SMYD2: variants seen among roughly 807,000 people sequenced by gnomAD.
SMYD2 encodes the protein SET and MYND domain containing 2, also known as N-lysine methyltransferase SMYD2.
A neutral mutation model predicts 59.1 loss-of-function variants in SMYD2; 53 were observed. The observed-to-expected ratio is 0.90, with a 90% confidence interval of 0.72 to 1.13. The LOEUF (loss-of-function observed/expected upper bound fraction) is 1.13, where lower values mean the gene tolerates loss of function less well. SMYD2 is among the 50% of genes most tolerant of loss of function. The pLI is 0.00. For missense variants in SMYD2, 494 were observed against 544.7 expected, an observed-to-expected ratio of 0.91 and a Z score of 0.93; for synonymous variants, 208 against 198.8, an observed-to-expected ratio of 1.05 and a Z score of -0.39.
At position 214,327,722 on chromosome 1, in the gene SMYD2, G is replaced by A. The variant is rs1425329978; in HGVS notation, c.703G>A (p.Glu235Lys). Reference sequence around the variant, plus strand: ...TGTACAGGAAATCAAGCCGGGAGAGGAGGTGAGTTCATGGCTATGGGTGGC... The same window carrying A: ...TGTACAGGAAATCAAGCCGGGAGAGAAGGTGAGTTCATGGCTATGGGTGGC... The part of the protein sequence containing the change: ...RAVQEIKPGE[E>K]VFTSYIDLLY... Residue 235 changes from glutamate (E) to lysine (K), a missense_variant and splice_region_variant, in exon 7 of 12, where the codon GAG becomes AAG. Transcript: ENST00000366957. 1 of 1,613,934 alleles carries A rather than the reference G, an allele frequency of 6.2e-7. No homozygotes were observed. Among genetic ancestry groups the A allele is most frequent in the African/African-American group, 1.3e-5 (1 of 74,922 alleles).
In SMYD2 at chr1:214,327,694, A is replaced by G; in HGVS notation, c.675A>G (p.Arg225=). The change falls in exon 7 of 12, where the codon AGA becomes AGG. Residue 225 remains arginine (R), a synonymous_variant. Coordinates refer to ENST00000366957, the MANE Select transcript of SMYD2 (RefSeq NM_020197.3). ...VTYKGTLAEV[R]AVQEIKPGEE... Reference sequence around the variant, plus strand: ...ACAAAGGGACCCTGGCAGAAGTCAGAGCTGTACAGGAAATCAAGCCGGGAG... The same window carrying G: ...ACAAAGGGACCCTGGCAGAAGTCAGGGCTGTACAGGAAATCAAGCCGGGAG... 1 of 1,614,166 alleles carries G rather than the reference A, an allele frequency of 6.2e-7. No individual in the cohort carries two copies. Among genetic ancestry groups the G allele is most frequent in the East Asian group, 2.2e-5 (1 of 44,880 alleles).
chr1:214,293,601 G>A (rs937132994), intron 1 of SMYD2, among the ~76,000 whole-genome samples: 3 of 152,152 alleles, frequency 2.0e-5, no homozygotes, highest in Non-Finnish European at 2.9e-5. Flanking sequence ...TCCAGGTCGT[G>A]TGGGCCATTT....
At chr1:214,334,967 T>C (rs7512745) in intron 11 of SMYD2, among the ~76,000 whole-genome samples, 124,032 of 152,204 alleles carry the variant, frequency 0.81, 51,233 homozygotes, top group African/African-American at 0.94. Flanking sequence ...CATTCGCCTT[T>C]GGTTTGATGG....
Position 214,314,891 on chromosome 1 carries a change from G to A in SMYD2, c.348+19G>A, listed in dbSNP as rs2102468959. On this transcript the variant is annotated intron_variant, in intron 3 of 11. Transcript: ENST00000366957. Reference sequence around the variant, plus strand: ...CAAACAGGTGAGGAAATGGGACAATGTTCAAGTGCATTTTATTTTGTTTTT... The same window carrying A: ...CAAACAGGTGAGGAAATGGGACAATATTCAAGTGCATTTTATTTTGTTTTT... 1.9e-6 allele frequency: 3 copies of A among 1,559,390 alleles called. No homozygotes were observed. The highest frequency in any genetic ancestry group is 2.7e-5 in the African/African-American group (2 of 73,738).
At chr1:214,295,318 TC>T (rs1030551509) in intron 1 of SMYD2, among the ~76,000 whole-genome samples, 13 of 152,306 alleles carry the variant, frequency 8.5e-5, no homozygotes, top group Admixed American at 5.2e-4. Context: ...ATAGGTGTTG[TC>T]CAGGGGCTGA....
chr1:214,289,691 G>A (rs1414894582), intron 1 of SMYD2, among the ~76,000 whole-genome samples: 3 of 152,176 alleles, frequency 2.0e-5, no homozygotes, highest in Non-Finnish European at 4.4e-5. Context: ...CCTAGAACAA[G>A]GCACCCTGAT....
intron 1 of SMYD2, among the ~76,000 whole-genome samples, chr1:214,304,623 C>T (rs530723189): frequency 6.9e-6 from 1 of 144,158 alleles, no homozygotes; most frequent in African/African-American, 2.6e-5. Flanking sequence ...TTAAACTTAG[C>T]TTTCTGGACA....
intron 1 of SMYD2, among the ~76,000 whole-genome samples, chr1:214,284,881 T>TCTAAC (rs1656511715): frequency 6.6e-6 from 1 of 152,228 alleles, no homozygotes; most frequent in Non-Finnish European, 1.5e-5. Context: ...AACCCAGTGT[T>TCTAAC]CCATCTAAAT....
At chr1:214,292,059 A>G (rs534936008) in intron 1 of SMYD2, among the ~76,000 whole-genome samples, 1 of 151,170 alleles carries the variant, frequency 6.6e-6, no homozygotes, top group African/African-American at 2.4e-5. Context: ...CAGCTTTACA[A>G]GGCACTCAGC....
chr1:214,309,707 G>A (rs956962378), intron 2 of SMYD2, among the ~76,000 whole-genome samples: 1 of 152,136 alleles, frequency 6.6e-6, no homozygotes, highest in African/African-American at 2.4e-5. Flanking sequence ...TCCTGGTTCA[G>A]TTCACTCCTG....
chr1:214,285,492 T>A (rs1037320963), intron 1 of SMYD2, among the ~76,000 whole-genome samples: 2 of 152,172 alleles, frequency 1.3e-5, no homozygotes, highest in Non-Finnish European at 2.9e-5. Context: ...GTTTTCTGAA[T>A]AAAAAAATTG....
chr1:214,281,472 C>G (rs775630731), intron 1 of SMYD2, 45 bp downstream of exon 1: 6 of 1,315,546 alleles, frequency 4.6e-6, no homozygotes, highest in African/African-American at 3.1e-5. Context: ...CCGGGGGCGC[C>G]GAGCGGGAGG....
intron 7 of SMYD2, among the ~76,000 whole-genome samples, chr1:214,328,877 A>G (rs560998113): frequency 6.6e-6 from 1 of 152,160 alleles, no homozygotes; most frequent in Non-Finnish European, 1.5e-5. Flanking sequence ...CTTGAAACAG[A>G]TAATTGCAGC....
At chr1:214,319,631 A>G (rs757779916) in intron 5 of SMYD2, among the ~76,000 whole-genome samples, 11 of 151,886 alleles carry the variant, frequency 7.2e-5, no homozygotes, top group Non-Finnish European at 1.2e-4. Context: ...GGGCATTGTT[A>G]GGACGAGAGA....
Position 214,281,443 on chromosome 1 carries a change from CG to C in SMYD2, c.173+18del. 7.2e-7 allele frequency: 1 copy of C among 1,384,058 alleles called. No homozygotes were observed. Among genetic ancestry groups the C allele is most frequent in the East Asian group, 2.9e-5 (1 of 34,124 alleles). The allele number at this position is 1,384,058 out of a possible 1,614,324, so 85.7% of individuals were successfully genotyped here. A position where few individuals can be genotyped will look rare whatever the true frequency, so the allele number is the denominator to read the frequency against. ...GCTTCACCAGGTAGGGCGGCGGCGG[CG>C]GCGGCGGCGGGCGGGAGCCGGGGGC... On this transcript the variant is annotated intron_variant, in intron 1 of 11. Coordinates refer to ENST00000366957, the MANE Select transcript of SMYD2 (RefSeq NM_020197.3).
intron 2 of SMYD2, among the ~76,000 whole-genome samples, chr1:214,308,736 T>C (rs1471446804): frequency 6.6e-6 from 1 of 152,098 alleles, no homozygotes; most frequent in Non-Finnish European, 1.5e-5. Context: ...TCGAGTTCAA[T>C]ATGTCAGTAG....
chr1:214,301,236 G>A (rs939955595), intron 1 of SMYD2, among the ~76,000 whole-genome samples: 1 of 152,140 alleles, frequency 6.6e-6, no homozygotes, highest in Non-Finnish European at 1.5e-5. Context: ...TACGTAATTG[G>A]TAAGAGAAGG....
At chr1:214,313,826 C>G (rs1337338845) in intron 2 of SMYD2, among the ~76,000 whole-genome samples, 1 of 152,124 alleles carries the variant, frequency 6.6e-6, no homozygotes, top group African/African-American at 2.4e-5. Context: ...CTTCCAGCAG[C>G]AAATATCCTT....
At chr1:214,291,480 T>C (rs141434061) in intron 1 of SMYD2, among the ~76,000 whole-genome samples, 1 of 152,326 alleles carries the variant, frequency 6.6e-6, no homozygotes, top group African/African-American at 2.4e-5. Context: ...TGCCCCTCAG[T>C]CTATTACCAT....
Sources: gnomAD v4.1 joint callset for allele counts (sites outside exome capture counted in the v4.1 genomes callset) on GRCh38, gnomAD v4.1.1 for gene constraint, MANE v1.5 for transcripts, NCBI Gene and HGNC (gene_info 2026-07-23, HGNC 2026-07-21) for gene names.